The following TRPC7 variants were observed in gnomAD, a reference collection of about 807,000 sequenced individuals.
TRPC7 encodes transient receptor potential cation channel subfamily C member 7.
In TRPC7, 42 loss-of-function variants were observed where a neutral mutation model predicts 90.1. That is an observed-to-expected ratio of 0.47 (90% CI 0.36 to 0.60). The LOEUF (loss-of-function observed/expected upper bound fraction) is 0.60, where lower values mean the gene tolerates loss of function less well. TRPC7 is among the 20% of genes least tolerant of loss of function. TRPC7 has a pLI of 0.00. For missense variants in TRPC7, 955 were observed against 1,112.3 expected, an observed-to-expected ratio of 0.86 and a Z score of 2.01; for synonymous variants, 451 against 436.3, an observed-to-expected ratio of 1.03 and a Z score of -0.42.
chr5:136,281,767 G>T (rs947589723), intron 3 of TRPC7, among the ~76,000 whole-genome samples: 3 of 152,156 alleles, frequency 2.0e-5, no homozygotes, highest in African/African-American at 4.8e-5. Flanking sequence ...CTCAAGGGAG[G>T]TTTCAAGGGT....
intron 10 of TRPC7, among the ~76,000 whole-genome samples, chr5:136,221,148 T>G (rs1271448021): frequency 6.6e-6 from 1 of 151,732 alleles, no homozygotes; most frequent in African/African-American, 2.4e-5. Flanking sequence ...TGTTTTGTGA[T>G]GAGTTTGAGA....
intron 3 of TRPC7, among the ~76,000 whole-genome samples, chr5:136,305,525 T>C (rs1234411418): frequency 7.2e-5 from 11 of 152,156 alleles, no homozygotes; most frequent in Non-Finnish European, 1.5e-4. Flanking sequence ...CACCCAGGAC[T>C]GGCAAATTAG....
At chr5:136,315,449 G>T in intron 3 of TRPC7, 148 bp downstream of exon 3, 2 of 830,686 alleles carry the variant, frequency 2.4e-6, no homozygotes, top group Non-Finnish European at 3.7e-6. Context: ...GCCCTGTGAA[G>T]CTGACAGCTA....
chr5:136,248,861 C>G (rs1756430978), intron 6 of TRPC7, among the ~76,000 whole-genome samples: 1 of 152,226 alleles, frequency 6.6e-6, no homozygotes, highest in Non-Finnish European at 1.5e-5. Flanking sequence ...CAGCACTTCT[C>G]TCATGGAGGA....
intron 10 of TRPC7, chr5:136,222,087 C>T (rs569193925): frequency 6.6e-6 from 1 of 151,958 alleles, no homozygotes; most frequent in Non-Finnish European, 1.5e-5. Flanking sequence ...TCTGCAGAGC[C>T]CAGACTGAAA....
Position 136,217,822 on chromosome 5 carries a change from G to A in TRPC7, c.2344-1547C>T, listed in dbSNP as rs368937187. 1.7e-4 allele frequency among the ~76,000 whole-genome samples: 26 copies of A among 151,954 alleles called. No homozygotes were observed. The South Asian group carries it at 4.2e-3, about 24-fold the overall frequency. On this transcript the variant is annotated intron_variant, in intron 10 of 11. Transcript: ENST00000513104. Reference sequence around the variant, plus strand: ...ACCTGAGGTCAGGAGTTCAAGACCAGCCTGGCTAAAATGGCGAAACCCTGT... The same window carrying A: ...ACCTGAGGTCAGGAGTTCAAGACCAACCTGGCTAAAATGGCGAAACCCTGT...
At chr5:136,349,074 G>A (rs1169656726) in intron 2 of TRPC7, among the ~76,000 whole-genome samples, 1 of 152,030 alleles carries the variant, frequency 6.6e-6, no homozygotes. Flanking sequence ...CTTTTCCACG[G>A]AGATATTTTT....
chr5:136,237,876 C>T (rs1756032518), intron 7 of TRPC7, among the ~76,000 whole-genome samples: 1 of 152,190 alleles, frequency 6.6e-6, no homozygotes, highest in Non-Finnish European at 1.5e-5. Flanking sequence ...TTCAGAAAAG[C>T]CCTTGGAAAA....
At chr5:136,306,007 A>G (rs1053539723) in intron 3 of TRPC7, among the ~76,000 whole-genome samples, 3 of 152,004 alleles carry the variant, frequency 2.0e-5, no homozygotes, top group Non-Finnish European at 4.4e-5. Flanking sequence ...ACCAACTTAG[A>G]CTGTGCCCCA....
In TRPC7 at chr5:136,226,159, G is replaced by A. The variant is rs1483205332; in HGVS notation, c.2137C>T (p.Pro713Ser). 1.3e-6 allele frequency: 2 copies of A among 1,567,376 alleles called. No homozygotes were observed. The highest frequency in any genetic ancestry group is 1.7e-6 in the Non-Finnish European group (2 of 1,154,186). The change falls in exon 9 of 12, where the codon CCA becomes TCA. Residue 713 changes from proline to serine, a missense_variant. Pro to Ser is a moderately conservative substitution (Grantham distance 74). Coordinates refer to ENST00000513104, the MANE Select transcript of TRPC7 (RefSeq NM_020389.3). ...AGATAATAAAATGATTTAGGACTTG[G>A]CACTAGATTAAAAGGAGCAGGTAGA... Reference protein sequence around the residue: ...RTLPAPFNLVPSPKSFYYLIM... With the variant: ...RTLPAPFNLVSSPKSFYYLIM...
chr5:136,331,500 C>T (rs1371009467), intron 2 of TRPC7, among the ~76,000 whole-genome samples: 4 of 152,082 alleles, frequency 2.6e-5, no homozygotes, highest in Non-Finnish European at 1.5e-5. Flanking sequence ...GAGGAACTCT[C>T]CTTTTAGTGC....
At chr5:136,305,864 C>A (rs1393506143) in intron 3 of TRPC7, among the ~76,000 whole-genome samples, 1 of 152,174 alleles carries the variant, frequency 6.6e-6, no homozygotes, top group Non-Finnish European at 1.5e-5. Context: ...AGCACAGCCA[C>A]CAACTTAAAA....
At chr5:136,330,906 G>A (rs1428147482) in intron 2 of TRPC7, among the ~76,000 whole-genome samples, 1 of 152,152 alleles carries the variant, frequency 6.6e-6, no homozygotes, top group Non-Finnish European at 1.5e-5. Flanking sequence ...CCCCCTTTCT[G>A]AAATGAGTCC....
At chr5:136,251,541 G>T in intron 6 of TRPC7, 108 bp downstream of exon 6, 1 of 895,474 alleles carries the variant, frequency 1.1e-6, no homozygotes, top group Non-Finnish European at 1.7e-6. Context: ...TACAAATCAT[G>T]GGCCACTTGA....
intron 2 of TRPC7, among the ~76,000 whole-genome samples, chr5:136,341,474 T>TACACAC (rs72512515): frequency 5.5e-4 from 83 of 150,980 alleles, no homozygotes; most frequent in African/African-American, 1.7e-3. Flanking sequence ...TACATATATA[T>TACACAC]ACACACACAC....
intron 7 of TRPC7, among the ~76,000 whole-genome samples, chr5:136,243,865 T>C (rs895074371): frequency 6.6e-6 from 1 of 152,070 alleles, no homozygotes; most frequent in African/African-American, 2.4e-5. Flanking sequence ...CGGCGATAAA[T>C]CTCCCATCCT....
chr5:136,296,152 G>T (rs1011516903), intron 3 of TRPC7, among the ~76,000 whole-genome samples: 1 of 152,014 alleles, frequency 6.6e-6, no homozygotes, highest in East Asian at 1.9e-4. Flanking sequence ...AGCTGGGGGT[G>T]GGGCAGGATT....
intron 5 of TRPC7, among the ~76,000 whole-genome samples, chr5:136,256,139 C>T (rs2149807850): frequency 6.6e-6 from 1 of 152,300 alleles, no homozygotes; most frequent in African/African-American, 2.4e-5. Context: ...GAGGCTAACA[C>T]CGATAGCCTC....
chr5:136,288,975 G>T (rs964971178), intron 3 of TRPC7, among the ~76,000 whole-genome samples: 3 of 152,128 alleles, frequency 2.0e-5, no homozygotes, highest in Non-Finnish European at 4.4e-5. Context: ...CCTCCCTAAT[G>T]GGTTTTAATT....
Sources: allele counts gnomAD v4.1 joint callset (sites outside exome capture counted in the v4.1 genomes callset), GRCh38; gene constraint gnomAD v4.1.1; transcripts MANE v1.5; gene names NCBI Gene and HGNC (gene_info 2026-07-23, HGNC 2026-07-21).